The following ZNF705G variants were observed in gnomAD, a reference collection of about 807,000 sequenced individuals.
ZNF705G encodes zinc finger protein 705G, also known as putative zinc finger protein 705G.
A neutral mutation model predicts 19.6 loss-of-function variants in ZNF705G; 23 were observed. That is an observed-to-expected ratio of 1.17 (90% CI 0.84 to 1.66). The LOEUF is 1.66. ZNF705G is among the 40% of genes most tolerant of loss of function. The pLI is 0.00. For synonymous variants in ZNF705G, 146 were observed against 117.7 expected, an observed-to-expected ratio of 1.24 and a Z score of -1.56; for missense variants, 457 against 354.4, an observed-to-expected ratio of 1.29 and a Z score of -2.32.
At chr8:7,366,711 A>T (rs1323616264) in intron 2 of ZNF705G, among the ~76,000 whole-genome samples, 2 of 149,760 alleles carry the variant, frequency 1.3e-5, no homozygotes, top group Non-Finnish European at 2.9e-5. Flanking sequence ...TAAATGAATG[A>T]AATTTAAACA....
At chr8:7,383,215 T>G (rs1337924002) in intron 1 of ZNF705G, among the ~76,000 whole-genome samples, 1 of 147,882 alleles carries the variant, frequency 6.8e-6, no homozygotes, top group Non-Finnish European at 1.5e-5. Flanking sequence ...AGATTACAAC[T>G]AGGTGACACA....
chr8:7,359,002 C>A (rs990075948), intron 6 of ZNF705G, among the ~76,000 whole-genome samples: 5 of 149,660 alleles, frequency 3.3e-5, no homozygotes, highest in Non-Finnish European at 7.4e-5. Context: ...TAAAATGCAG[C>A]TTTCCTGCAT....
chr8:7,355,598 C>T lies in ZNF705G; in HGVS notation c.*2378G>A, dbSNP rs1361724605. On this transcript the variant is annotated 3_prime_UTR_variant, in exon 7 of 7. Transcript: ENST00000400156. ...GTATACAAAAGCCGATTGATTCCCT[C>T]TATGTGGAGGGAAGACGAGCTTGAA... is the stretch of plus-strand genomic sequence containing the variant. 1 of 149,806 alleles carries T rather than the reference C, an allele frequency of 6.7e-6. No homozygotes were observed. The highest frequency in any genetic ancestry group is 1.5e-5 in the Non-Finnish European group (1 of 68,018). 9.3% of individuals were successfully genotyped at this position (149,806 alleles called of 1,614,324 possible).
intron 2 of ZNF705G, among the ~76,000 whole-genome samples, chr8:7,365,524 T>A (rs1450980263): frequency 4.7e-5 from 7 of 148,970 alleles, no homozygotes; most frequent in Admixed American, 6.6e-5. Context: ...GATGACAGGC[T>A]TGCGCCATCG....
chr8:7,363,143 C>A (rs1806685327), intron 2 of ZNF705G, 126 bp from the exon 3 acceptor site: 5 of 1,236,236 alleles, frequency 4.0e-6, no homozygotes, highest in Non-Finnish European at 5.7e-6. Flanking sequence ...CCAACAGACA[C>A]AAACATGCAG....
At chr8:7,379,238 A>G (rs1807378371) in intron 2 of ZNF705G, among the ~76,000 whole-genome samples, 1 of 147,688 alleles carries the variant, frequency 6.8e-6, no homozygotes, top group East Asian at 1.9e-4. Flanking sequence ...TTGGGTTCAA[A>G]ATCTCGGAGA....
Position 7,363,100 on chromosome 8 carries a change from C to G in ZNF705G, c.-71-83G>C. ...TCTGTGATGAAAAGCCAGACTTTCACTGAAGTGTGACACCAGCTGCACCAC... is the reference window on the plus strand; with the variant it reads ...TCTGTGATGAAAAGCCAGACTTTCAGTGAAGTGTGACACCAGCTGCACCAC... On this transcript the variant is annotated intron_variant, in intron 2 of 6. Coordinates refer to ENST00000400156, the MANE Select transcript of ZNF705G (RefSeq NM_001164457.3). The G allele has an allele frequency of 5.2e-6, 8 of 1,547,072 alleles. 1 individual carries two copies. The South Asian group carries it at 9.0e-5, about 17-fold the overall frequency.
rs2128833277 is a variant in ZNF705G at position 7,356,751 on chromosome 8, G to T, written c.*1225C>A. On this transcript the variant is annotated 3_prime_UTR_variant, in exon 7 of 7. Coordinates refer to ENST00000400156, the MANE Select transcript of ZNF705G (RefSeq NM_001164457.3). ...AAGGAGTGCAGGTGCAAATCCATTT[G>T]TTAGGGCCGCATAAATGAAACAAGG... is the stretch of plus-strand genomic sequence containing the variant. 1 of 149,898 alleles carries T rather than the reference G, an allele frequency of 6.7e-6. No individual in the cohort carries two copies. The highest frequency in any genetic ancestry group is 2.5e-5 in the African/African-American group (1 of 39,244). 9.3% of individuals were successfully genotyped at this position (149,898 alleles called of 1,614,324 possible).
Position 7,361,033 on chromosome 8 carries a change from G to T in ZNF705G, c.139+77C>A, listed in dbSNP as rs570808544. 6.6e-4 allele frequency: 1,056 copies of T among 1,589,992 alleles called. 10 individuals carry two copies. The highest frequency in any genetic ancestry group is 8.3e-4 in the Non-Finnish European group (979 of 1,177,800). On this transcript the variant is annotated intron_variant, in intron 4 of 6. Transcript: ENST00000400156. ...AGAGAAGAGATTAGAGTGAGATATGGGGAAGCTGTTTTAACACTTATTGAA... is the reference window on the plus strand; with the variant it reads ...AGAGAAGAGATTAGAGTGAGATATGTGGAAGCTGTTTTAACACTTATTGAA...
At chr8:7,379,394 T>A (rs1243012364) in intron 2 of ZNF705G, among the ~76,000 whole-genome samples, 93 of 147,352 alleles carry the variant, frequency 6.3e-4, no homozygotes, top group Non-Finnish European at 1.0e-4. Flanking sequence ...TTTGGACACG[T>A]ATATTAAAGC....
chr8:7,382,278 T>C (rs1442061436), intron 1 of ZNF705G, among the ~76,000 whole-genome samples: 1 of 148,070 alleles, frequency 6.8e-6, no homozygotes, highest in Non-Finnish European at 1.5e-5. Context: ...GGCTGTAACC[T>C]GAGAATGTTC....
chr8:7,380,321 A>G (rs1221414422), intron 2 of ZNF705G, among the ~76,000 whole-genome samples: 1 of 147,200 alleles, frequency 6.8e-6, no homozygotes, highest in Non-Finnish European at 1.5e-5. Flanking sequence ...GTCGTTGTCC[A>G]GGAGGCTGGG....
intron 2 of ZNF705G, among the ~76,000 whole-genome samples, chr8:7,365,663 C>T (rs1287985229): frequency 6.7e-6 from 1 of 149,506 alleles, no homozygotes; most frequent in East Asian, 1.9e-4. Context: ...AGCCACCGTG[C>T]CCGGCCCAGA....
chr8:7,357,914 C>G lies in ZNF705G; in HGVS notation c.*62G>C. 2.5e-6 allele frequency: 4 copies of G among 1,601,488 alleles called. No individual in the cohort carries two copies. The highest frequency in any genetic ancestry group is 3.4e-6 in the Non-Finnish European group (4 of 1,177,258). ...ATGCTCTTTAAGATTAGTACATTGT[C>G]TGAAGGCTTTCCCACATAAATGGCA... On this transcript the variant is annotated 3_prime_UTR_variant, in exon 7 of 7. Coordinates refer to ENST00000400156, the MANE Select transcript of ZNF705G (RefSeq NM_001164457.3).
At chr8:7,363,656 A>G (rs71511226) in intron 2 of ZNF705G, among the ~76,000 whole-genome samples, 7,347 of 147,838 alleles carry the variant, frequency 0.05, 7 homozygotes, top group Non-Finnish European at 0.074. Flanking sequence ...CCCCGTCTGT[A>G]GTAAAAATAC....
At chr8:7,361,312 T>C (rs1806584060) in intron 3 of ZNF705G, 76 bp from the exon 4 acceptor site, 11 of 1,590,970 alleles carry the variant, frequency 6.9e-6, no homozygotes, top group Non-Finnish European at 8.5e-6. Context: ...TGAGATGACA[T>C]AGCTAGCAGC....
intron 2 of ZNF705G, among the ~76,000 whole-genome samples, chr8:7,366,871 G>A (rs531468438): frequency 2.7e-5 from 4 of 149,642 alleles, no homozygotes; most frequent in Admixed American, 6.6e-5. Context: ...TATCTGCATT[G>A]TCCAATGCAG....
chr8:7,366,939 A>C (rs1296498977), intron 2 of ZNF705G, among the ~76,000 whole-genome samples: 4 of 149,742 alleles, frequency 2.7e-5, no homozygotes, highest in Non-Finnish European at 5.9e-5. Context: ...TTTGGCTATT[A>C]CTACTAAGGA....
chr8:7,374,251 G>A (rs75711047), intron 2 of ZNF705G, among the ~76,000 whole-genome samples: 1,287 of 75,734 alleles, frequency 0.017, 38 homozygotes, highest in Non-Finnish European at 0.02. Context: ...TGGCATTACT[G>A]AATTCCTATC....
Sources: allele counts gnomAD v4.1 joint callset (sites outside exome capture counted in the v4.1 genomes callset), GRCh38; gene constraint gnomAD v4.1.1; transcripts MANE v1.5; gene names NCBI Gene and HGNC (gene_info 2026-07-23, HGNC 2026-07-21).